The following HACE1 variants were observed in gnomAD, a reference collection of about 807,000 sequenced individuals.
HACE1 encodes the protein E3 ubiquitin-protein ligase HACE1.
Under a neutral mutation model 118.4 loss-of-function variants are expected in HACE1, and 73 were observed. The observed-to-expected ratio is 0.62, with a 90% confidence interval of 0.51 to 0.75. HACE1 has a LOEUF of 0.75. HACE1 is among the 30% of genes least tolerant of loss of function. HACE1 has a pLI of 0.00. For synonymous variants in HACE1, 368 were observed against 374.8 expected (o/e 0.98, Z 0.21); for missense variants, 749 against 1,102.2 (o/e 0.68, Z 4.54).
chr6:104,773,475 A>G (rs1780854543), intron 17 of HACE1, among the ~76,000 whole-genome samples: 1 of 152,200 alleles, frequency 6.6e-6, no homozygotes, highest in Non-Finnish European at 1.5e-5. Flanking sequence ...ACTGTTAAGG[A>G]CCTTTGGAGA....
rs537204188 is a variant in HACE1 at position 104,771,557 on chromosome 6, A to C, written c.2015-168T>G. Among the ~76,000 whole-genome samples, 7 of 152,296 alleles carry C rather than the reference A, an allele frequency of 4.6e-5. No homozygotes were observed. The East Asian group carries it at 1.3e-3, about 29-fold the overall frequency. ...CCTGAATTTGAAAGTCTGTTAAATT[A>C]ATTCTGTGTTTCTTTCACATTGTTA... is the stretch of plus-strand genomic sequence containing the variant. On this transcript the variant is annotated intron_variant, in intron 18 of 23. Transcript: ENST00000262903.
chr6:104,818,824 A>G (rs985925340), intron 6 of HACE1, among the ~76,000 whole-genome samples: 2 of 152,172 alleles, frequency 1.3e-5, no homozygotes, highest in African/African-American at 4.8e-5. Context: ...TTTTGATAAA[A>G]TTCAACATCG....
At chr6:104,742,467 A>G (rs1190708393) in intron 22 of HACE1, among the ~76,000 whole-genome samples, 1 of 151,932 alleles carries the variant, frequency 6.6e-6, no homozygotes, top group Non-Finnish European at 1.5e-5. Context: ...ATTTACAAGA[A>G]AAAAACAAAC....
At chr6:104,821,959 G>A (rs1772760690) in intron 6 of HACE1, among the ~76,000 whole-genome samples, 1 of 152,128 alleles carries the variant, frequency 6.6e-6, no homozygotes, top group Admixed American at 6.6e-5. Flanking sequence ...TGTAACCACA[G>A]GGCTTTGGGA....
At chr6:104,771,705 G>GAAA (rs55710828) in intron 18 of HACE1, among the ~76,000 whole-genome samples, 1 of 86,250 alleles carries the variant, frequency 1.2e-5, no homozygotes, top group Non-Finnish European at 2.4e-5. Flanking sequence ...CACAAAAATT[G>GAAA]AAAAAAAAAA....
At chr6:104,834,020 TATG>T (rs1774277014) in intron 5 of HACE1, among the ~76,000 whole-genome samples, 1 of 152,068 alleles carries the variant, frequency 6.6e-6, no homozygotes, top group Non-Finnish European at 1.5e-5. Context: ...GGCATACACC[TATG>T]GTCCTAGCTT....
chr6:104,786,098 G>A (rs1476288917), intron 11 of HACE1: 2 of 152,124 alleles, frequency 1.3e-5, no homozygotes, highest in African/African-American at 2.4e-5. Context: ...ACTTTGGGAG[G>A]CCGAGGTGGG....
chr6:104,822,403 A>T (rs1772846423), intron 6 of HACE1, among the ~76,000 whole-genome samples: 1 of 149,378 alleles, frequency 6.7e-6, no homozygotes, highest in African/African-American at 2.5e-5. Context: ...AAAAAAAAAA[A>T]TTAGCCAGGT....
At chr6:104,857,460 A>G (rs553948212) in intron 1 of HACE1, among the ~76,000 whole-genome samples, 16 of 151,852 alleles carry the variant, frequency 1.1e-4, no homozygotes, top group African/African-American at 2.2e-4. Flanking sequence ...TGAGAAACTG[A>G]TATGTTGAGC....
intron 1 of HACE1, among the ~76,000 whole-genome samples, chr6:104,859,025 T>G (rs1777028472): frequency 6.6e-6 from 1 of 152,206 alleles, no homozygotes; most frequent in South Asian, 2.1e-4. Flanking sequence ...AAGAAAAATA[T>G]ATTGTGTTTA....
chr6:104,847,612 G>A (rs1421659087), intron 4 of HACE1, among the ~76,000 whole-genome samples: 1 of 152,080 alleles, frequency 6.6e-6, no homozygotes, highest in Non-Finnish European at 1.5e-5. Flanking sequence ...TTTTTGCTCT[G>A]TTTTAATCTT....
At chr6:104,786,263 C>G (rs1281057057) in intron 11 of HACE1, 4 of 151,406 alleles carry the variant, frequency 2.6e-5, no homozygotes, top group Non-Finnish European at 5.9e-5. Flanking sequence ...ATCACTTGAA[C>G]CCAGGAGGCA....
At position 104,796,907 on chromosome 6, in the gene HACE1, A is replaced by G. The variant is rs776328765; in HGVS notation, c.714+22T>C. On this transcript the variant is annotated intron_variant, in intron 8 of 23. Transcript: ENST00000262903. ...TTTCTATTATAAAGATAAGGGGCTC[A>G]GAATATAAATGAAAAACACACCTGT... 13 of 1,329,078 alleles carry G rather than the reference A, an allele frequency of 9.8e-6. No homozygotes were observed. The African/African-American group carries it at 1.4e-4, about 15-fold the overall frequency. The allele number at this position is 1,329,078 out of a possible 1,614,324, so 82.3% of individuals were successfully genotyped here.
chr6:104,833,170 G>T lies in HACE1; in HGVS notation c.406C>A (p.His136Asn). Residue 136 changes from histidine to asparagine, a missense_variant, in exon 6 of 24, where the codon CAT becomes AAT. Transcript: ENST00000262903. ...GTCCGCCCATTCACAGCCAGCCAAT[G>T]TATCTGTGAAGCCATTTAGTTACTT... ...ICNNEGLTAI[H>N]WLAVNGRTEL... is the part of the protein sequence containing the mutation. 6.2e-7 allele frequency: 1 copy of T among 1,613,104 alleles called. No homozygotes were observed. The highest frequency in any genetic ancestry group is 8.5e-7 in the Non-Finnish European group (1 of 1,179,140).
rs750418750 is a variant in HACE1, at chr6:104,771,394, A to C, written c.2015-5T>G. 6 of 1,600,174 alleles carry C rather than the reference A, an allele frequency of 3.7e-6. No homozygotes were observed. In the African/African-American group the frequency reaches 5.4e-5, roughly 14 times the overall value. ...CTTGGTAATTTACAGGAATACCTAA[A>C]AAATGCAAACATACAGCAGTTATAG... On this transcript the variant is annotated splice_polypyrimidine_tract_variant and splice_region_variant and intron_variant, in intron 18 of 23. Coordinates refer to ENST00000262903, the MANE Select transcript of HACE1 (RefSeq NM_020771.4).
chr6:104,732,533 G>A (rs1039696123), intron 22 of HACE1, among the ~76,000 whole-genome samples: 2 of 152,092 alleles, frequency 1.3e-5, no homozygotes, highest in East Asian at 1.9e-4. Flanking sequence ...TGTTAGAGGC[G>A]GGTGGGAAAG....
intron 19 of HACE1, among the ~76,000 whole-genome samples, chr6:104,760,350 C>A (rs182964870): frequency 5.3e-5 from 8 of 152,262 alleles, no homozygotes; most frequent in Non-Finnish European, 1.2e-4. Context: ...TTATCCACCA[C>A]GATCAAGTCG....
At chr6:104,732,417 C>T (rs1379630742) in intron 22 of HACE1, 1 of 152,030 alleles carries the variant, frequency 6.6e-6, no homozygotes, top group East Asian at 1.9e-4. Context: ...ATCTAGAAGA[C>T]CTTATGCTAA....
chr6:104,792,181 T>A (rs1033331825), intron 10 of HACE1, among the ~76,000 whole-genome samples: 1 of 152,138 alleles, frequency 6.6e-6, no homozygotes, highest in Admixed American at 6.5e-5. Context: ...ATTCACAAAT[T>A]GAAAAATTTA....
Sources: allele counts gnomAD v4.1 joint callset (sites outside exome capture counted in the v4.1 genomes callset), GRCh38; gene constraint gnomAD v4.1.1; transcripts MANE v1.5; gene names NCBI Gene and HGNC (gene_info 2026-07-23, HGNC 2026-07-21).